The following ERG variants were observed in gnomAD, a reference collection of about 807,000 sequenced individuals.
ERG encodes ETS transcription factor ERG.
Under a neutral mutation model 55.3 loss-of-function variants are expected in ERG, and 9 were observed. The observed-to-expected ratio is 0.16, with a 90% CI of 0.10 to 0.28. The LOEUF is 0.28. ERG is among the 10% of genes least tolerant of loss of function. The probability of loss-of-function intolerance (pLI) is 1.00; values close to 1 mark genes in which losing one functional copy is unlikely to be tolerated. For synonymous variants in ERG, 223 were observed against 237.3 expected (o/e 0.94, Z 0.55); for missense variants, 434 against 631.6 (o/e 0.69, Z 3.35).
At chr21:38,532,244 G>A (rs1406707157) in intron 2 of ERG, among the ~76,000 whole-genome samples, 1 of 152,148 alleles carries the variant, frequency 6.6e-6, no homozygotes, top group Non-Finnish European at 1.5e-5. Context: ...ACTGTTATGT[G>A]AGTCCAGGGT....
At chr21:38,472,786 G>C (rs941601876) in intron 1 of ERG, among the ~76,000 whole-genome samples, 8 of 152,218 alleles carry the variant, frequency 5.3e-5, no homozygotes, top group African/African-American at 1.9e-4. Flanking sequence ...GCTCAAAGCA[G>C]AAAATGGCTG....
At chr21:38,560,721 C>T (rs2059887917) in intron 2 of ERG, among the ~76,000 whole-genome samples, 1 of 152,194 alleles carries the variant, frequency 6.6e-6, no homozygotes, top group Admixed American at 6.5e-5. Flanking sequence ...GACTCATTTT[C>T]TGGAAAATAA....
chr21:38,402,914 C>G (rs1988575715), intron 4 of ERG, among the ~76,000 whole-genome samples: 1 of 152,086 alleles, frequency 6.6e-6, no homozygotes, highest in South Asian at 2.1e-4. Context: ...ATTTATCCAC[C>G]TCACTGTCTG....
chr21:38,569,848 T>C (rs62217461), intron 2 of ERG, among the ~76,000 whole-genome samples: 23,085 of 152,228 alleles, frequency 0.15, 1,980 homozygotes, highest in Admixed American at 0.23. Flanking sequence ...AATCATATTG[T>C]ATGTAATCTG....
At chr21:38,373,736 T>G in the ERG span, among the ~76,000 whole-genome samples, 1 of 152,356 alleles carries the variant, frequency 6.6e-6, no homozygotes, top group Non-Finnish European at 1.5e-5. Flanking sequence ...GTTCTATTTC[T>G]TTTTGTATTC....
Position 38,380,264 on chromosome 21 carries a change from G to T in ERG, c.*3139C>A. 9.5e-7 allele frequency: 1 copy of T among 1,056,192 alleles called. No individual in the cohort carries two copies. Among genetic ancestry groups the T allele is most frequent in the Non-Finnish European group, 1.1e-6 (1 of 873,666 alleles). 65.4% of individuals were successfully genotyped at this position (1,056,192 alleles called of 1,614,324 possible). ...ATCTCTGCTGCACCTGCTGTCAGAG[G>T]GCAGCTCCTCCGGCTCCTGCTCCTG... On this transcript the variant is annotated 3_prime_UTR_variant, in exon 10 of 10. Coordinates refer to ENST00000288319, the MANE Select transcript of ERG (RefSeq NM_182918.4).
chr21:38,622,446 T>G, intron 1 of ERG, among the ~76,000 whole-genome samples: 1 of 140,740 alleles, frequency 7.1e-6, no homozygotes, highest in Non-Finnish European at 1.5e-5. Context: ...CCCCCACACA[T>G]GACATACACA....
At chr21:38,441,081 C>T (rs971045922) in intron 2 of ERG, among the ~76,000 whole-genome samples, 2 of 152,186 alleles carry the variant, frequency 1.3e-5, no homozygotes, top group Non-Finnish European at 2.9e-5. Flanking sequence ...CTTTACCACC[C>T]GCTGTCCAGT....
chr21:38,632,261 T>A (rs984685381), intron 1 of ERG, among the ~76,000 whole-genome samples: 1 of 152,166 alleles, frequency 6.6e-6, no homozygotes, highest in African/African-American at 2.4e-5. Flanking sequence ...TACAAGCATA[T>A]GAAAAGATGC....
intron 2 of ERG, among the ~76,000 whole-genome samples, chr21:38,549,044 C>T (rs1055389323): frequency 4.6e-5 from 7 of 151,698 alleles, no homozygotes; most frequent in Admixed American, 6.6e-5. Context: ...ACCCAGGAGG[C>T]GGAGCTTGCA....
rs576602738 is a variant in ERG at position 38,640,007 on chromosome 21, A to G, written c.-150+21651T>C. On this transcript the variant is annotated intron_variant, in intron 1 of 10. Coordinates refer to the ERG transcript ENST00000398910. The stretch of plus-strand genomic sequence containing the variant: ...GCACCCTCCCCCACAACAAAACAAT[A>G]AAAACCCTGAGAGATGACCAAATTC... Among the ~76,000 whole-genome samples, 6 of 152,266 alleles carry G rather than the reference A, an allele frequency of 3.9e-5. No homozygotes were observed. The South Asian group carries it at 1.2e-3, about 32-fold the overall frequency.
At chr21:38,475,129 A>G (rs566922242) in intron 1 of ERG, among the ~76,000 whole-genome samples, 3 of 152,228 alleles carry the variant, frequency 2.0e-5, no homozygotes, top group Non-Finnish European at 4.4e-5. Context: ...CGCGGAACAT[A>G]ATGCACCAAA....
chr21:38,480,305 G>C (rs891367985), intron 1 of ERG, among the ~76,000 whole-genome samples: 3 of 152,148 alleles, frequency 2.0e-5, no homozygotes, highest in African/African-American at 7.2e-5. Flanking sequence ...TGGAATCGCG[G>C]ATAAGAGAGG....
intron 1 of ERG, among the ~76,000 whole-genome samples, chr21:38,453,567 C>G (rs770426789): frequency 6.6e-6 from 1 of 152,208 alleles, no homozygotes; most frequent in Non-Finnish European, 1.5e-5. Flanking sequence ...ATGTGAATAG[C>G]TTCTTATTTT....
upstream of ERG, among the ~76,000 whole-genome samples, chr21:38,585,873 T>C (rs1179163601): frequency 6.6e-6 from 1 of 151,240 alleles, no homozygotes; most frequent in Non-Finnish European, 1.5e-5. Flanking sequence ...TTTGTTGTGA[T>C]ACAGAAAATA....
intron 1 of ERG, among the ~76,000 whole-genome samples, chr21:38,475,726 C>T (rs1409695728): frequency 6.6e-6 from 1 of 152,216 alleles, no homozygotes; most frequent in Admixed American, 6.5e-5. Flanking sequence ...CTCCTGACTT[C>T]CTGCCACACT....
chr21:38,616,353 A>AAGC (rs1453503616), intron 1 of ERG, among the ~76,000 whole-genome samples: 5 of 152,170 alleles, frequency 3.3e-5, no homozygotes, highest in Admixed American at 3.3e-4. Context: ...GTGTACGGCA[A>AAGC]AGCACCTAGT....
chr21:38,618,969 T>A (rs751492436), intron 1 of ERG, among the ~76,000 whole-genome samples: 2 of 152,186 alleles, frequency 1.3e-5, no homozygotes, highest in South Asian at 2.1e-4. Context: ...AGTCCCTGGA[T>A]AAGGACCTGA....
In ERG at chr21:38,581,287, C is replaced by T. The variant is rs571942537; in HGVS notation, c.-127+3557G>A. Reference sequence around the variant, plus strand: ...AGATGAGGGATGGAAATCAGATCTGCCACTTACTCCTTGGAAACCTATAAA... The same window carrying T: ...AGATGAGGGATGGAAATCAGATCTGTCACTTACTCCTTGGAAACCTATAAA... On this transcript the variant is annotated intron_variant, in intron 1 of 8. Transcript: ENST00000398897. 1.4e-3 allele frequency among the ~76,000 whole-genome samples: 218 copies of T among 152,288 alleles called. 1 individual carries two copies. Among genetic ancestry groups the T allele is most frequent in the African/African-American group, 5.0e-3 (209 of 41,540 alleles).
Sources: gnomAD v4.1 joint callset for allele counts (sites outside exome capture counted in the v4.1 genomes callset) on GRCh38, gnomAD v4.1.1 for gene constraint, MANE v1.5 for transcripts, NCBI Gene and HGNC (gene_info 2026-07-23, HGNC 2026-07-21) for gene names.